ASPH: variants seen among roughly 807,000 people sequenced by gnomAD.
ASPH encodes aspartyl/asparaginyl beta-hydroxylase.
A neutral mutation model predicts 118.4 loss-of-function variants in ASPH; 100 were observed. The ratio of observed to expected loss-of-function variants is 0.84; its 90% confidence interval spans 0.72 to 1.00. The LOEUF (loss-of-function observed/expected upper bound fraction) is 1.00. Among genes scored for constraint, ASPH ranks in the 50% least tolerant of loss-of-function variants. The pLI, the probability that ASPH is intolerant of heterozygous loss-of-function variation, is 0.00. For missense variants in ASPH, 920 were observed against 919.5 expected, an observed-to-expected ratio of 1.00 and a Z score of -0.01; for synonymous variants, 315 against 325.6, an observed-to-expected ratio of 0.97 and a Z score of 0.35.
chr8:61,548,145 G>C lies in ASPH; in HGVS notation c.1690C>G (p.Leu564Val), dbSNP rs1319052748. 3 of 1,614,030 alleles carry C rather than the reference G, an allele frequency of 1.9e-6. No homozygotes were observed. The highest frequency in any genetic ancestry group is 1.1e-5 in the South Asian group (1 of 91,078). The change falls in exon 21 of 25, where the codon CTC becomes GTC. Residue 564 changes from leucine to valine, a missense_variant. By Grantham distance (32) the Leu-to-Val change is conservative (BLOSUM62 1). Coordinates refer to ENST00000379454, the MANE Select transcript of ASPH (RefSeq NM_004318.4). ...GHFASVWQRS[L>V]YNVNGLKAQP... ...GCTTTCAGTCCATTCACATTGTAGA[G>C]TGAGCGTTGCCAGACAGATGCAAAG...
At chr8:61,682,747 G>C (rs2151649281) in intron 2 of ASPH, among the ~76,000 whole-genome samples, 1 of 152,186 alleles carries the variant, frequency 6.6e-6, no homozygotes, top group East Asian at 1.9e-4. Flanking sequence ...TATTCCTACA[G>C]CCAAAAATTT....
At chr8:61,593,276 G>A (rs1041772011) in intron 14 of ASPH, among the ~76,000 whole-genome samples, 4 of 152,052 alleles carry the variant, frequency 2.6e-5, no homozygotes, top group Non-Finnish European at 5.9e-5. Context: ...CCCTTCTGAG[G>A]CTTTTTTTCT....
intron 3 of ASPH, chr8:61,664,259 C>T: frequency 7.2e-6 from 7 of 967,414 alleles, no homozygotes; most frequent in Non-Finnish European, 8.6e-6. Flanking sequence ...ATTTGCAATT[C>T]CTTAGAAATG....
At chr8:61,549,336 C>T (rs893278539) in intron 20 of ASPH, among the ~76,000 whole-genome samples, 1 of 152,116 alleles carries the variant, frequency 6.6e-6, no homozygotes, top group Non-Finnish European at 1.5e-5. Flanking sequence ...TTTCCAATAA[C>T]CCCAAATATC....
intron 13 of ASPH, among the ~76,000 whole-genome samples, chr8:61,630,220 A>G (rs578094059): frequency 1.3e-4 from 20 of 152,320 alleles, no homozygotes; most frequent in Non-Finnish European, 2.9e-5. Context: ...ATCGTCAATT[A>G]GGTTCCAAGG....
At chr8:61,635,561 T>C (rs1857379808) in intron 12 of ASPH, among the ~76,000 whole-genome samples, 1 of 152,052 alleles carries the variant, frequency 6.6e-6, no homozygotes, top group Non-Finnish European at 1.5e-5. Flanking sequence ...GTTTCTTCTA[T>C]AAGGTTGGTG....
chr8:61,689,915 T>G (rs1394417768), intron 1 of ASPH: 1 of 1,198,944 alleles, frequency 8.3e-7, no homozygotes, highest in Admixed American at 4.2e-5. Flanking sequence ...AATCACCACT[T>G]AGGCTGAAGT....
intron 21 of ASPH, among the ~76,000 whole-genome samples, chr8:61,526,319 T>A (rs756221824): frequency 6.6e-6 from 1 of 152,214 alleles, no homozygotes; most frequent in Non-Finnish European, 1.5e-5. Flanking sequence ...AAAGTTTTTA[T>A]AACATAACAA....
chr8:61,584,296 T>C (rs1443883696), intron 14 of ASPH, among the ~76,000 whole-genome samples: 1 of 152,230 alleles, frequency 6.6e-6, no homozygotes, highest in African/African-American at 2.4e-5. Context: ...CTCTCCAGGA[T>C]ACTGGCTTGG....
In ASPH at chr8:61,553,039, TC is replaced by T; in HGVS notation, c.1617del (p.Asn540ThrfsTer28). ...ATTCATATACCCATTACCTCTTTGT[TC>T]CCAACCCTCTGCATGGCATCCCCCA... is the stretch of plus-strand genomic sequence containing the variant. ...FHLGDAMQRVGNKEAYKWYEL... is the reference protein window; with the variant it reads ...FHLGDAMQRVXNKEAYKWYEL... On this transcript the variant is annotated frameshift_variant, in exon 20 of 25. Coordinates refer to ENST00000379454, the MANE Select transcript of ASPH (RefSeq NM_004318.4). LOFTEE classifies it high-confidence loss of function. 1 of 1,612,234 alleles carries T rather than the reference TC, an allele frequency of 6.2e-7. No homozygotes were observed. The highest frequency in any genetic ancestry group is 8.5e-7 in the Non-Finnish European group (1 of 1,178,374).
Position 61,643,452 on chromosome 8 carries a change from C to G in ASPH, c.710-19G>C, listed in dbSNP as rs758161079. 12 of 1,600,096 alleles carry G rather than the reference C, an allele frequency of 7.5e-6. No homozygotes were observed. In the South Asian group the frequency reaches 1.3e-4, roughly 18 times the overall value. On this transcript the variant is annotated intron_variant, in intron 8 of 24. Transcript: ENST00000379454. ...CTGGAATCTAAAAAACAAAAACACACCTTTGCCAAACAGGAAAAAACCAAA... is the reference window on the plus strand; with the variant it reads ...CTGGAATCTAAAAAACAAAAACACAGCTTTGCCAAACAGGAAAAAACCAAA...
At chr8:61,672,043 G>C (rs976724166) in intron 3 of ASPH, among the ~76,000 whole-genome samples, 2 of 152,098 alleles carry the variant, frequency 1.3e-5, no homozygotes, top group African/African-American at 4.8e-5. Context: ...ATCTTCCTCC[G>C]TCCCATACTG....
chr8:61,689,929 C>G (rs1202497553), intron 1 of ASPH: 4 of 1,095,686 alleles, frequency 3.7e-6, no homozygotes, highest in Non-Finnish European at 4.6e-6. Context: ...CTGAAGTGCA[C>G]TCCCTAACAA....
intron 17 of ASPH, among the ~76,000 whole-genome samples, chr8:61,563,775 G>T (rs1313140806): frequency 6.6e-6 from 1 of 152,024 alleles, no homozygotes; most frequent in South Asian, 2.1e-4. Flanking sequence ...CCCCCTATCT[G>T]CCCACCTAGG....
intron 16 of ASPH, among the ~76,000 whole-genome samples, chr8:61,568,358 G>T (rs527524471): frequency 1.3e-3 from 197 of 152,240 alleles, no homozygotes; most frequent in Admixed American, 2.0e-3. Context: ...TTTGCTGATT[G>T]TCTAAATGTA....
At chr8:61,591,558 G>A (rs1841145385) in intron 14 of ASPH, among the ~76,000 whole-genome samples, 1 of 152,124 alleles carries the variant, frequency 6.6e-6, no homozygotes, top group South Asian at 2.1e-4. Flanking sequence ...GTAAATTCTT[G>A]GATTGCAAGG....
At chr8:61,550,579 C>A (rs1196774211) in intron 20 of ASPH, among the ~76,000 whole-genome samples, 2 of 152,134 alleles carry the variant, frequency 1.3e-5, no homozygotes, top group Non-Finnish European at 2.9e-5. Flanking sequence ...TCATAAGTGG[C>A]CCCAGCTGGG....
At chr8:61,599,965 C>T (rs922713061) in intron 14 of ASPH, among the ~76,000 whole-genome samples, 3 of 152,018 alleles carry the variant, frequency 2.0e-5, no homozygotes, top group Non-Finnish European at 4.4e-5. Flanking sequence ...ACAACAAGAA[C>T]AACAAAAAAA....
intron 1 of ASPH, among the ~76,000 whole-genome samples, chr8:61,685,591 T>C (rs1459231823): frequency 6.6e-6 from 1 of 152,018 alleles, no homozygotes; most frequent in Admixed American, 6.6e-5. Context: ...TTCCAGCGGC[T>C]CAAGTCAAGA....
Sources: gnomAD v4.1 joint callset for allele counts (sites outside exome capture counted in the v4.1 genomes callset) on GRCh38, gnomAD v4.1.1 for gene constraint, MANE v1.5 for transcripts, NCBI Gene and HGNC (gene_info 2026-07-23, HGNC 2026-07-21) for gene names.